VPS26A: variants seen among roughly 807,000 people sequenced by gnomAD.
The protein encoded by VPS26A is vacuolar protein sorting-associated protein 26A.
A neutral mutation model predicts 42.4 loss-of-function variants in VPS26A; 22 were observed. That is an observed-to-expected ratio of 0.52 (90% CI 0.37 to 0.74). The LOEUF is 0.74. Ranked by LOEUF, VPS26A falls within the 30% of genes least tolerant of loss-of-function variation. The probability of loss-of-function intolerance (pLI) is 0.00; values close to 1 mark genes in which losing one functional copy is unlikely to be tolerated. For synonymous variants in VPS26A, 110 were observed against 123.5 expected, an observed-to-expected ratio of 0.89 and a Z score of 0.73; for missense variants, 276 against 379.2, an observed-to-expected ratio of 0.73 and a Z score of 2.26.
chr10:69,133,684 T>G, intron 2 of VPS26A: 1 of 1,094,976 alleles, frequency 9.1e-7, no homozygotes, highest in Non-Finnish European at 1.2e-6. Flanking sequence ...TTTTTTGTTT[T>G]GTTTTGTTTC....
At chr10:69,128,996 CAAAAAA>C (rs60820610) in intron 1 of VPS26A, among the ~76,000 whole-genome samples, 14 of 68,404 alleles carry the variant, frequency 2.0e-4, no homozygotes, top group African/African-American at 6.0e-4. Flanking sequence ...GACTCTGTCT[CAAAAAA>C]AAAAAAAAAA....
chr10:69,125,138 C>T (rs569094146), intron 1 of VPS26A, among the ~76,000 whole-genome samples: 2 of 152,310 alleles, frequency 1.3e-5, no homozygotes, highest in Admixed American at 6.5e-5. Context: ...GTATGCTCTC[C>T]TAATACTACC....
intron 1 of VPS26A, 28 bp from the exon 2 acceptor site, chr10:69,132,870 A>C: frequency 6.4e-7 from 1 of 1,566,054 alleles, no homozygotes; most frequent in Non-Finnish European, 8.6e-7. Context: ...TAAACATGAT[A>C]ATTATGACCA....
rs1286277243 is a variant in VPS26A, at chr10:69,151,282, A to C, written c.154-4530A>C. ...TCCATGTCAAAAAAAAAAAAAAAAA[A>C]ACACACACACACACACAATTAGCCG... On this transcript the variant is annotated intron_variant, in intron 2 of 8. Transcript: ENST00000263559. Among the ~76,000 whole-genome samples, 457 of 136,746 alleles carry C rather than the reference A, an allele frequency of 3.3e-3. 5 individuals carry two copies. The highest frequency in any genetic ancestry group is 0.014 in the African/African-American group (407 of 30,090). 89.7% of individuals were successfully genotyped at this position (136,746 alleles called of 152,430 possible). A position where few individuals can be genotyped will look rare whatever the true frequency, so the allele number is the denominator to read the frequency against.
intron 2 of VPS26A, among the ~76,000 whole-genome samples, chr10:69,148,949 G>A (rs1241741027): frequency 6.6e-6 from 1 of 151,910 alleles, no homozygotes; most frequent in African/African-American, 2.4e-5. Context: ...GTAGAGATGG[G>A]GTTTCACCGT....
chr10:69,141,998 C>A (rs1269332199), intron 2 of VPS26A, among the ~76,000 whole-genome samples: 1 of 152,084 alleles, frequency 6.6e-6, no homozygotes, highest in East Asian at 1.9e-4. Flanking sequence ...ATTCTCCTGC[C>A]TCAGCCTCCC....
chr10:69,161,158 C>T (rs1841553539), intron 5 of VPS26A, among the ~76,000 whole-genome samples: 1 of 152,160 alleles, frequency 6.6e-6, no homozygotes, highest in African/African-American at 2.4e-5. Flanking sequence ...CTCCCAGGCT[C>T]AAATTATCAT....
chr10:69,127,268 C>T (rs1840678085), intron 1 of VPS26A, among the ~76,000 whole-genome samples: 1 of 149,990 alleles, frequency 6.7e-6, no homozygotes, highest in Non-Finnish European at 1.5e-5. Flanking sequence ...TTCGATATGC[C>T]CTAATGTAAA....
intron 8 of VPS26A, among the ~76,000 whole-genome samples, chr10:69,168,905 C>T (rs113953650): frequency 2.3e-3 from 350 of 151,974 alleles, no homozygotes; most frequent in African/African-American, 7.8e-3. Context: ...AAAAACAATA[C>T]CTGCTGCTTA....
rs1305726959 is a variant in VPS26A, at chr10:69,141,411, CAG to C, written c.153+8367_153+8368del. 2.7e-5 allele frequency among the ~76,000 whole-genome samples: 4 copies of C among 150,862 alleles called. No homozygotes were observed. In the East Asian group the frequency reaches 7.7e-4, roughly 29 times the overall value. ...CATGGCTGAGGGAGAGAAATCTCTGCAGAGTCTTTCACAAGCCATTAAAATGC... is the reference window on the plus strand; with the variant it reads ...CATGGCTGAGGGAGAGAAATCTCTGCAGTCTTTCACAAGCCATTAAAATGC... On this transcript the variant is annotated intron_variant, in intron 2 of 8. Coordinates refer to ENST00000263559, the MANE Select transcript of VPS26A (RefSeq NM_004896.5).
At chr10:69,139,384 A>G (rs935153623) in intron 2 of VPS26A, among the ~76,000 whole-genome samples, 1 of 151,892 alleles carries the variant, frequency 6.6e-6, no homozygotes, top group African/African-American at 2.4e-5. Flanking sequence ...GCTCACTGCA[A>G]CCTCTGCCTC....
chr10:69,151,335 C>T lies in VPS26A; in HGVS notation c.154-4477C>T, dbSNP rs1185599921. On this transcript the variant is annotated intron_variant, in intron 2 of 8. Coordinates refer to ENST00000263559, the MANE Select transcript of VPS26A (RefSeq NM_004896.5). The stretch of plus-strand genomic sequence containing the variant: ...TGTGTGGTGGCAGTTGCCTGTAATC[C>T]CAGCTACTCAGGAGGCTGAGGCAGG... Among the ~76,000 whole-genome samples the T allele has an allele frequency of 3.3e-5, 5 of 150,494 alleles. No individual in the cohort carries two copies. The East Asian group carries it at 9.7e-4, about 29-fold the overall frequency.
At chr10:69,156,886 T>C (rs1841439738) in intron 3 of VPS26A, 121 bp from the exon 4 acceptor site, 4 of 917,852 alleles carry the variant, frequency 4.4e-6, no homozygotes, top group Admixed American at 6.0e-5. Flanking sequence ...ATAGGTCTAG[T>C]TTATTAGAGA....
At chr10:69,152,279 A>G (rs1472339574) in intron 2 of VPS26A, among the ~76,000 whole-genome samples, 1 of 152,246 alleles carries the variant, frequency 6.6e-6, no homozygotes, top group East Asian at 1.9e-4. Context: ...CATTCATTTC[A>G]GAAGTAACTG....
intron 2 of VPS26A, among the ~76,000 whole-genome samples, chr10:69,151,264 C>CAAAAAAAAAAAAA (rs1192297497): frequency 2.3e-4 from 7 of 30,408 alleles, no homozygotes; most frequent in East Asian, 6.0e-4. Context: ...GACTCCATGT[C>CAAAAAAAAAAAAA]AAAAAAAAAA....
chr10:69,127,301 T>C (rs116606925), intron 1 of VPS26A, among the ~76,000 whole-genome samples: 7 of 149,422 alleles, frequency 4.7e-5, no homozygotes, highest in African/African-American at 1.5e-4. Flanking sequence ...TGGTCGGGCG[T>C]GGTGCACTTT....
intron 7 of VPS26A, among the ~76,000 whole-genome samples, chr10:69,167,839 G>C (rs918207954): frequency 6.7e-6 from 1 of 148,346 alleles, no homozygotes; most frequent in Admixed American, 6.7e-5. Flanking sequence ...GGTAATAAAA[G>C]AATGTCATCA....
At chr10:69,133,364 C>T (rs1378261772) in intron 2 of VPS26A, among the ~76,000 whole-genome samples, 1 of 151,982 alleles carries the variant, frequency 6.6e-6, no homozygotes, top group Non-Finnish European at 1.5e-5. Context: ...TGGTTTCAGA[C>T]AGTTTCTTCA....
intron 2 of VPS26A, among the ~76,000 whole-genome samples, chr10:69,151,449 C>G: frequency 1.5e-5 from 1 of 65,384 alleles, no homozygotes; most frequent in East Asian, 3.7e-4. Context: ...GAGACTCCGT[C>G]TCAAAAAAAA....
Sources: gnomAD v4.1 joint callset for allele counts (sites outside exome capture counted in the v4.1 genomes callset) on GRCh38, gnomAD v4.1.1 for gene constraint, MANE v1.5 for transcripts, NCBI Gene and HGNC (gene_info 2026-07-23, HGNC 2026-07-21) for gene names.